Variants in DAB1 observed in about 807,000 individuals in gnomAD.
The protein encoded by DAB1 is disabled homolog 1.
DAB1 carries 15 observed loss-of-function variants against 64.6 expected under a neutral mutation model. The observed-to-expected ratio is 0.23, with a 90% CI of 0.16 to 0.36. The LOEUF (loss-of-function observed/expected upper bound fraction) is 0.36, where lower values mean the gene tolerates loss of function less well. DAB1 is among the 10% of genes least tolerant of loss of function. The probability of loss-of-function intolerance (pLI) is 1.00; values close to 1 mark genes in which losing one functional copy is unlikely to be tolerated. For synonymous variants in DAB1, 235 were observed against 251.9 expected (o/e 0.93, Z 0.64); for missense variants, 596 against 706.7 (o/e 0.84, Z 1.78).
At chr1:58,197,890 A>G (rs1657776461) in intron 4 of DAB1, among the ~76,000 whole-genome samples, 1 of 152,172 alleles carries the variant, frequency 6.6e-6, no homozygotes, top group Non-Finnish European at 1.5e-5. Flanking sequence ...TTAGTTCAAC[A>G]TGAATGCATT....
At chr1:57,561,329 A>C (rs951778329) in intron 7 of DAB1, among the ~76,000 whole-genome samples, 1 of 152,188 alleles carries the variant, frequency 6.6e-6, no homozygotes, top group African/African-American at 2.4e-5. Context: ...CAATCTTCCC[A>C]GTGGGCAGAA....
intron 5 of DAB1, among the ~76,000 whole-genome samples, chr1:57,938,766 C>A (rs2102048193): frequency 6.6e-6 from 1 of 152,184 alleles, no homozygotes; most frequent in African/African-American, 2.4e-5. Context: ...AACCCCTTCC[C>A]CAGGCCCCCT....
At chr1:58,242,205 C>T (rs987656579) in intron 4 of DAB1, among the ~76,000 whole-genome samples, 3 of 151,970 alleles carry the variant, frequency 2.0e-5, no homozygotes, top group Admixed American at 6.6e-5. Context: ...TTTTCCATAG[C>T]GTTTTAAGTG....
intron 1 of DAB1, among the ~76,000 whole-genome samples, chr1:57,296,847 C>T (rs1019766358): frequency 6.6e-6 from 1 of 152,028 alleles, no homozygotes; most frequent in Non-Finnish European, 1.5e-5. Context: ...ACTGGTCAGG[C>T]AAGAATCATC....
chr1:58,447,513 T>A (rs1645081329), intron 3 of DAB1, among the ~76,000 whole-genome samples: 1 of 152,182 alleles, frequency 6.6e-6, no homozygotes, highest in African/African-American at 2.4e-5. Context: ...GGCACCATTC[T>A]AGCTACAAGA....
chr1:58,537,724 C>G lies in DAB1; in HGVS notation n.32+8979G>C, dbSNP rs377450766. On this transcript the variant is annotated intron_variant and non_coding_transcript_variant, in intron 1 of 20. Transcript: ENST00000485760. ...AAAGTTCTCTTTGTGAAGTGACACA[C>G]CCCAATGCCTTTACACAAAGTGTGT... is the stretch of plus-strand genomic sequence containing the variant. 4.6e-5 allele frequency among the ~76,000 whole-genome samples: 7 copies of G among 152,280 alleles called. No individual in the cohort carries two copies. In the East Asian group the frequency reaches 7.7e-4, roughly 17 times the overall value.
At chr1:57,219,099 T>C (rs981723465) in intron 2 of DAB1, among the ~76,000 whole-genome samples, 5 of 152,216 alleles carry the variant, frequency 3.3e-5, no homozygotes, top group Admixed American at 6.5e-5. Flanking sequence ...TGGGAGCCAA[T>C]ACCTTAGTAG....
intron 5 of DAB1, among the ~76,000 whole-genome samples, chr1:58,130,553 T>C (rs370185432): frequency 1.6e-4 from 24 of 151,538 alleles, no homozygotes; most frequent in East Asian, 3.9e-4. Context: ...TTCCTAGTCT[T>C]GATGGTCTTT....
intron 4 of DAB1, among the ~76,000 whole-genome samples, chr1:58,192,766 T>C (rs927535719): frequency 2.0e-5 from 3 of 152,182 alleles, no homozygotes; most frequent in African/African-American, 7.2e-5. Context: ...CTGCAATAAA[T>C]ATATAAGTGT....
intron 3 of DAB1, among the ~76,000 whole-genome samples, chr1:58,441,447 T>C (rs1645007130): frequency 6.6e-6 from 1 of 152,188 alleles, no homozygotes. Context: ...TTATTCTACC[T>C]CTAGAGATCA....
chr1:57,455,727 C>T (rs1686564138), intron 7 of DAB1, among the ~76,000 whole-genome samples: 3 of 152,196 alleles, frequency 2.0e-5, no homozygotes, highest in Admixed American at 1.3e-4. Flanking sequence ...CCCTAGACTC[C>T]ACATCACCAA....
intron 6 of DAB1, among the ~76,000 whole-genome samples, chr1:57,688,666 A>G (rs1646728701): frequency 6.6e-6 from 1 of 152,212 alleles, no homozygotes; most frequent in Non-Finnish European, 1.5e-5. Flanking sequence ...GAATCAACCT[A>G]GGTGCCCATC....
intron 7 of DAB1, among the ~76,000 whole-genome samples, chr1:57,573,155 A>G (rs1204156095): frequency 1.3e-5 from 2 of 152,116 alleles, no homozygotes; most frequent in Non-Finnish European, 2.9e-5. Context: ...TGGCACAATC[A>G]TAGCTCACTG....
chr1:57,364,142 C>T (rs985194901), intron 1 of DAB1, among the ~76,000 whole-genome samples: 1 of 152,212 alleles, frequency 6.6e-6, no homozygotes, highest in South Asian at 2.1e-4. Context: ...AAGTTTATCA[C>T]AGGTTCATGG....
chr1:57,988,107 T>A (rs1292255421), intron 5 of DAB1, among the ~76,000 whole-genome samples: 1 of 152,044 alleles, frequency 6.6e-6, no homozygotes, highest in African/African-American at 2.4e-5. Flanking sequence ...ATGTTAACAC[T>A]AAGGATGCCC....
intron 3 of DAB1, among the ~76,000 whole-genome samples, chr1:58,482,886 A>G (rs1645513998): frequency 6.6e-6 from 1 of 152,120 alleles, no homozygotes; most frequent in South Asian, 2.1e-4. Flanking sequence ...AGGTCATGCT[A>G]AGGATTTTAA....
intron 4 of DAB1, chr1:58,228,570 G>T: frequency 4.6e-6 from 2 of 434,600 alleles, no homozygotes; most frequent in Non-Finnish European, 8.6e-6. Context: ...GGGGAGGGGG[G>T]ACTCTAGGAA....
intron 7 of DAB1, among the ~76,000 whole-genome samples, chr1:57,604,901 T>C (rs949341160): frequency 6.6e-6 from 1 of 152,224 alleles, no homozygotes; most frequent in African/African-American, 2.4e-5. Context: ...TACCCAGACC[T>C]GAGACCTTAC....
intron 4 of DAB1, among the ~76,000 whole-genome samples, chr1:58,310,025 C>A (rs1662392115): frequency 6.6e-6 from 1 of 152,096 alleles, no homozygotes; most frequent in Non-Finnish European, 1.5e-5. Context: ...CTTTTTCCCC[C>A]AGGACAATTT....
Sources: allele counts gnomAD v4.1 joint callset (sites outside exome capture counted in the v4.1 genomes callset), GRCh38; gene constraint gnomAD v4.1.1; transcripts MANE v1.5; gene names NCBI Gene and HGNC (gene_info 2026-07-23, HGNC 2026-07-21).